ARHGAP24: variants seen among roughly 807,000 people sequenced by gnomAD.
ARHGAP24 encodes rho GTPase-activating protein 24.
A neutral mutation model predicts 76.4 loss-of-function variants in ARHGAP24; 50 were observed. That is an observed-to-expected ratio of 0.65 (90% CI 0.52 to 0.83). The LOEUF (loss-of-function observed/expected upper bound fraction) is 0.83, where lower values mean the gene tolerates loss of function less well. ARHGAP24 is among the 40% of genes least tolerant of loss of function. The probability of loss-of-function intolerance (pLI) is 0.00; values close to 1 mark genes in which losing one functional copy is unlikely to be tolerated. For synonymous variants in ARHGAP24, 345 were observed against 323.3 expected (o/e 1.07, Z -0.72); for missense variants, 930 against 914.2 (o/e 1.02, Z -0.22).
intron 4 of ARHGAP24, chr4:85,931,115 T>C: frequency 6.9e-7 from 1 of 1,459,744 alleles, no homozygotes; most frequent in Non-Finnish European, 9.2e-7. Flanking sequence ...GGTCTGTTTA[T>C]GCTCAGATAA....
chr4:85,786,525 A>C (rs774055860), intron 3 of ARHGAP24, among the ~76,000 whole-genome samples: 1 of 152,238 alleles, frequency 6.6e-6, no homozygotes, highest in Non-Finnish European at 1.5e-5. Flanking sequence ...CCCAAAGTGC[A>C]GCTCCCAATG....
chr4:85,952,920 A>G (rs1440416468), intron 5 of ARHGAP24, among the ~76,000 whole-genome samples: 1 of 152,248 alleles, frequency 6.6e-6, no homozygotes, highest in Non-Finnish European at 1.5e-5. Flanking sequence ...AACTTTTTAT[A>G]TTAAACTTCC....
At chr4:85,509,246 A>G (rs1724183263) in intron 1 of ARHGAP24, among the ~76,000 whole-genome samples, 1 of 150,010 alleles carries the variant, frequency 6.7e-6, no homozygotes, top group Non-Finnish European at 1.5e-5. Flanking sequence ...CCTAATGCTA[A>G]ATGATGAGTT....
intron 3 of ARHGAP24, among the ~76,000 whole-genome samples, chr4:85,724,454 T>C (rs1398242649): frequency 6.6e-6 from 1 of 150,914 alleles, no homozygotes; most frequent in Admixed American, 6.6e-5. Context: ...AGTTTATCCA[T>C]ATGTGCACTG....
chr4:85,970,231 C>T (rs1738893409), intron 5 of ARHGAP24, among the ~76,000 whole-genome samples: 1 of 152,196 alleles, frequency 6.6e-6, no homozygotes, highest in African/African-American at 2.4e-5. Flanking sequence ...CTTCCTCCCA[C>T]TTGAGGCTGT....
At chr4:85,754,831 A>T (rs1406139042) in intron 3 of ARHGAP24, among the ~76,000 whole-genome samples, 2 of 152,258 alleles carry the variant, frequency 1.3e-5, no homozygotes, top group Non-Finnish European at 2.9e-5. Context: ...AACTGTTGTT[A>T]TCATGCGACA....
chr4:85,987,301 T>C (rs1041227593), intron 8 of ARHGAP24, among the ~76,000 whole-genome samples: 4 of 152,080 alleles, frequency 2.6e-5, no homozygotes, highest in Non-Finnish European at 4.4e-5. Flanking sequence ...ATATAATAAA[T>C]ATGATTCAGC....
chr4:85,943,444 C>T (rs1398229555), intron 5 of ARHGAP24, among the ~76,000 whole-genome samples: 1 of 151,748 alleles, frequency 6.6e-6, no homozygotes. Flanking sequence ...TACAAGGCAG[C>T]TCTCTGGGGC....
rs960878643 is a variant in ARHGAP24 at position 85,680,507 on chromosome 4, G to A, written c.181-41378G>A. Among the ~76,000 whole-genome samples the A allele has an allele frequency of 2.6e-5, 4 of 151,998 alleles. No individual in the cohort carries two copies. The South Asian group carries it at 8.3e-4, about 31-fold the overall frequency. The stretch of plus-strand genomic sequence containing the variant: ...AAATTTTGATGATATTAAACCGTGA[G>A]ATCACAGACCCAGGAGTTATGGCTT... On this transcript the variant is annotated intron_variant, in intron 2 of 9. Transcript: ENST00000395184.
chr4:85,483,971 T>G (rs982402418), intron 1 of ARHGAP24, among the ~76,000 whole-genome samples: 1 of 152,222 alleles, frequency 6.6e-6, no homozygotes, highest in African/African-American at 2.4e-5. Flanking sequence ...ATGAAAAAGC[T>G]AGATACTTAA....
chr4:85,852,510 C>T (rs927980226), intron 3 of ARHGAP24, among the ~76,000 whole-genome samples: 4 of 152,200 alleles, frequency 2.6e-5, no homozygotes, highest in African/African-American at 9.7e-5. Context: ...GAGCTGTGAT[C>T]CTTTGGAGGA....
chr4:86,000,464 C>CG lies in ARHGAP24; in HGVS notation c.2004-15_2004-14insG. The CG allele has an allele frequency of 1.0e-6, 1 of 970,496 alleles. No individual in the cohort carries two copies. Among genetic ancestry groups the CG allele is most frequent in the South Asian group, 1.3e-5 (1 of 78,790 alleles). The allele number at this position is 970,496 out of a possible 1,614,324, so 60.1% of individuals were successfully genotyped here. A position where few individuals can be genotyped will look rare whatever the true frequency, so the allele number is the denominator to read the frequency against. On this transcript the variant is annotated splice_polypyrimidine_tract_variant and intron_variant, in intron 9 of 9. Transcript: ENST00000395184. ...TTGCGTCCCCACCCCCCACCCCCCCCAACATCCTTTGTAGCTTAGAACAGC... is the reference window on the plus strand; with the variant it reads ...TTGCGTCCCCACCCCCCACCCCCCCCGAACATCCTTTGTAGCTTAGAACAGC...
At chr4:85,765,817 A>G (rs1432330562) in intron 3 of ARHGAP24, among the ~76,000 whole-genome samples, 1 of 152,108 alleles carries the variant, frequency 6.6e-6, no homozygotes, top group Non-Finnish European at 1.5e-5. Context: ...TACCCACTCT[A>G]TTTTAAAACA....
intron 1 of ARHGAP24, among the ~76,000 whole-genome samples, chr4:85,534,415 A>G (rs1017663488): frequency 3.3e-5 from 5 of 152,152 alleles, no homozygotes; most frequent in African/African-American, 1.2e-4. Flanking sequence ...CTGGGCTGGC[A>G]TTCTCACCAG....
intron 2 of ARHGAP24, among the ~76,000 whole-genome samples, chr4:85,683,990 A>G (rs1723329158): frequency 6.6e-6 from 1 of 152,188 alleles, no homozygotes; most frequent in African/African-American, 2.4e-5. Context: ...TTCTCAGTTC[A>G]TATGTTGATG....
At chr4:85,507,831 A>G (rs1724126335) in intron 1 of ARHGAP24, among the ~76,000 whole-genome samples, 1 of 152,228 alleles carries the variant, frequency 6.6e-6, no homozygotes, top group Non-Finnish European at 1.5e-5. Context: ...TATTCAATAA[A>G]TAGTTACTTA....
intron 2 of ARHGAP24, among the ~76,000 whole-genome samples, chr4:85,613,847 T>A (rs1335127529): frequency 2.0e-5 from 3 of 152,166 alleles, no homozygotes; most frequent in African/African-American, 7.2e-5. Context: ...CACCACCTGA[T>A]CCCAAAGCCA....
chr4:85,585,467 C>T (rs973321810), intron 2 of ARHGAP24, among the ~76,000 whole-genome samples: 6 of 152,134 alleles, frequency 3.9e-5, no homozygotes, highest in African/African-American at 1.4e-4. Flanking sequence ...TGTTTTAAGT[C>T]CTAGAGAGAA....
chr4:85,728,232 CAAAAA>C (rs143928362), intron 3 of ARHGAP24, among the ~76,000 whole-genome samples: 1 of 90,552 alleles, frequency 1.1e-5, no homozygotes, highest in African/African-American at 3.8e-5. Flanking sequence ...ATCCTTTTGC[CAAAAA>C]AAAAAAAAAA....
Sources: allele counts gnomAD v4.1 joint callset (sites outside exome capture counted in the v4.1 genomes callset), GRCh38; gene constraint gnomAD v4.1.1; transcripts MANE v1.5; gene names NCBI Gene and HGNC (gene_info 2026-07-23, HGNC 2026-07-21).